The following PTCD1 variants were observed in gnomAD, a reference collection of about 807,000 sequenced individuals.
The protein encoded by PTCD1 is pentatricopeptide repeat domain 1.
PTCD1 carries 50 observed loss-of-function variants against 53.4 expected under a neutral mutation model. That is an observed-to-expected ratio of 0.94 (90% confidence interval 0.75 to 1.19). PTCD1 has a LOEUF of 1.19. Ranked by LOEUF, PTCD1 falls within the 50% of genes most tolerant of loss-of-function variation. The pLI, the probability that PTCD1 is intolerant of heterozygous loss-of-function variation, is 0.00. For missense variants in PTCD1, 918 were observed against 904.8 expected (o/e 1.01, Z -0.19); for synonymous variants, 413 against 394.8 (o/e 1.05, Z -0.55).
At chr7:99,420,170 C>T (rs562833213) in intron 7 of PTCD1, 21 bp from the exon 8 acceptor site, 14 of 1,613,734 alleles carry the variant, frequency 8.7e-6, no homozygotes, top group African/African-American at 6.7e-5. Flanking sequence ...AAAAGTGAGG[C>T]TAGAATCACT....
At chr7:99,427,278 G>A (rs1796078211) in intron 5 of PTCD1, among the ~76,000 whole-genome samples, 1 of 145,746 alleles carries the variant, frequency 6.9e-6, no homozygotes, top group African/African-American at 2.6e-5. Flanking sequence ...CCCTCTGCCC[G>A]GCTAGCACCC....
chr7:99,429,575 G>T lies in PTCD1; in HGVS notation c.813+13C>A. 6 of 1,614,196 alleles carry T rather than the reference G, an allele frequency of 3.7e-6. No individual in the cohort carries two copies. Among genetic ancestry groups the T allele is most frequent in the Non-Finnish European group, 5.1e-6 (6 of 1,180,034 alleles). On this transcript the variant is annotated intron_variant, in intron 4 of 7. Transcript: ENST00000292478. ...CCCCATGAAGGGGAGCAGGACGGCA[G>T]GGGAAGCCCCACCTTGAACACATCG...
chr7:99,428,959 G>C (rs1227446296), intron 5 of PTCD1, 144 bp downstream of exon 5: 26 of 977,982 alleles, frequency 2.7e-5, no homozygotes, highest in Non-Finnish European at 3.7e-5. Context: ...TAGAATGGAG[G>C]CTACAGTGGC....
chr7:99,426,745 G>A (rs370855114), intron 5 of PTCD1, among the ~76,000 whole-genome samples: 30 of 150,230 alleles, frequency 2.0e-4, no homozygotes, highest in African/African-American at 5.1e-4. Context: ...GCCTCTTCCC[G>A]GCCGCCATCC....
chr7:99,429,278 T>C (rs1796171741), intron 4 of PTCD1, 74 bp from the exon 5 acceptor site: 1 of 1,572,948 alleles, frequency 6.4e-7, no homozygotes. Context: ...TCTGTAATCC[T>C]GGCACATTGG....
At chr7:99,436,453 G>A (rs10464604) in intron 1 of PTCD1, among the ~76,000 whole-genome samples, 9,866 of 152,134 alleles carry the variant, frequency 0.065, 684 homozygotes, top group East Asian at 0.31. Flanking sequence ...TATCTCTGCC[G>A]AAAATATAAA....
At chr7:99,437,108 C>G (rs540153470) in intron 1 of PTCD1, among the ~76,000 whole-genome samples, 12 of 152,322 alleles carry the variant, frequency 7.9e-5, no homozygotes, top group African/African-American at 2.9e-4. Flanking sequence ...TCAAGCAATC[C>G]TCCAGCCTTG....
Position 99,423,942 on chromosome 7 carries a change from G to A in PTCD1, c.1753C>T (p.Pro585Ser). 6.2e-7 allele frequency: 1 copy of A among 1,614,114 alleles called. No homozygotes were observed. Among genetic ancestry groups the A allele is most frequent in the Non-Finnish European group, 8.5e-7 (1 of 1,180,002 alleles). The change falls in exon 7 of 8, where the codon CCC (proline) becomes TCC (serine). Residue 585 changes from proline (P) to serine (S), a missense_variant. Transcript: ENST00000292478. The stretch of plus-strand genomic sequence containing the variant: ...AGGGCACTGTAGATGTGAGTGTTGG[G>A]GGTCACCTGGGACTTCTAGAACACA... ...LTDMKKSQVT[P>S]NTHIYSALIN...
Position 99,419,948 on chromosome 7 carries a change from T to C in PTCD1, c.*19A>G. 1.9e-6 allele frequency: 3 copies of C among 1,613,994 alleles called. No individual in the cohort carries two copies. The highest frequency in any genetic ancestry group is 2.5e-6 in the Non-Finnish European group (3 of 1,179,992). The stretch of plus-strand genomic sequence containing the variant: ...ACAGAGCACTGGGGGCCGAGCACAT[T>C]GTTCCAGCTGTGCTCCCATCACCTG... On this transcript the variant is annotated 3_prime_UTR_variant, in exon 8 of 8. Transcript: ENST00000292478.
In PTCD1 at chr7:99,435,012, G is replaced by A. The variant is rs772902215; in HGVS notation, c.231C>T (p.Ala77=). 1.2e-6 allele frequency: 2 copies of A among 1,614,122 alleles called. No homozygotes were observed. Among genetic ancestry groups the A allele is most frequent in the South Asian group, 1.1e-5 (1 of 91,086 alleles). The change falls in exon 2 of 8, where the codon GCC becomes GCT. Residue 77 remains alanine (A), a synonymous_variant. Transcript: ENST00000292478. The part of the protein sequence containing the change: ...GSDPSHSNST[A]TQEEDEEEEE... ...CCTCCTCCTCGTCTTCTTCCTGCGT[G>A]GCCGTGGAGTTGGAGTGGCTCGGGT... is the stretch of plus-strand genomic sequence containing the variant.
rs533573416 is a variant in PTCD1 at position 99,438,423 on chromosome 7, C to G, written c.-27+269G>C. 5.3e-6 allele frequency: 4 copies of G among 752,156 alleles called. No individual in the cohort carries two copies. In the African/African-American group the frequency reaches 7.8e-5, roughly 15 times the overall value. 46.6% of individuals were successfully genotyped at this position (752,156 alleles called of 1,614,324 possible). A position where few individuals can be genotyped will look rare whatever the true frequency, so the allele number is the denominator to read the frequency against. On this transcript the variant is annotated intron_variant, in intron 1 of 7. Transcript: ENST00000292478. ...TTGACTGCAGTGAGCTATGATCGTACCCCTGTACTCCAGCCTGGGCCACAG... is the reference window on the plus strand; with the variant it reads ...TTGACTGCAGTGAGCTATGATCGTAGCCCTGTACTCCAGCCTGGGCCACAG...
At chr7:99,434,634 G>C (rs532153559) in intron 2 of PTCD1, among the ~76,000 whole-genome samples, 156 bp downstream of exon 2, 18 of 151,842 alleles carry the variant, frequency 1.2e-4, no homozygotes, top group Middle Eastern at 3.4e-3. Context: ...TGCGGTGGAG[G>C]ATGGCAAAGG....
chr7:99,424,315 C>T (rs1353811692), intron 6 of PTCD1, among the ~76,000 whole-genome samples: 4 of 152,156 alleles, frequency 2.6e-5, no homozygotes, highest in Admixed American at 2.0e-4. Flanking sequence ...TGGGTGAGCC[C>T]GGTAGGGTCC....
intron 3 of PTCD1, 80 bp from the exon 4 acceptor site, chr7:99,429,886 G>A: frequency 6.4e-7 from 1 of 1,556,456 alleles, no homozygotes. Context: ...AGGAGGCTGA[G>A]GCTGGAGAGG....
At chr7:99,427,526 G>A (rs1562842830) in intron 5 of PTCD1, among the ~76,000 whole-genome samples, 1 of 151,732 alleles carries the variant, frequency 6.6e-6, no homozygotes. Context: ...TCCGGGAGGT[G>A]AGCGGCGCCT....
intron 3 of PTCD1, among the ~76,000 whole-genome samples, chr7:99,430,482 C>A (rs1409810397): frequency 6.6e-6 from 1 of 152,224 alleles, no homozygotes; most frequent in Non-Finnish European, 1.5e-5. Context: ...GCAGAAAGAA[C>A]CCTGCTAGAG....
intron 7 of PTCD1, among the ~76,000 whole-genome samples, chr7:99,421,469 G>A (rs1369157917): frequency 6.6e-6 from 1 of 150,954 alleles, no homozygotes; most frequent in Non-Finnish European, 1.5e-5. Flanking sequence ...ATGCGGCACG[G>A]CATGGGGGCT....
At chr7:99,426,140 GTCTCCCTCTCCC>G (rs774697481) in intron 5 of PTCD1, among the ~76,000 whole-genome samples, 15 of 119,118 alleles carry the variant, frequency 1.3e-4, no homozygotes, top group East Asian at 7.1e-4. Context: ...TCTCCCCATG[GTCTCCCTCTCCC>G]TCTCCCTCTC....
At chr7:99,424,462 C>T (rs1332931010) in intron 6 of PTCD1, among the ~76,000 whole-genome samples, 1 of 152,254 alleles carries the variant, frequency 6.6e-6, no homozygotes, top group Admixed American at 6.5e-5. Flanking sequence ...GCTTTGAAAA[C>T]TGCCCACGGC....
Sources: allele counts gnomAD v4.1 joint callset (sites outside exome capture counted in the v4.1 genomes callset), GRCh38; gene constraint gnomAD v4.1.1; transcripts MANE v1.5; gene names NCBI Gene and HGNC (gene_info 2026-07-23, HGNC 2026-07-21).